MGAM2: variants seen among roughly 807,000 people sequenced by gnomAD.
MGAM2 encodes the protein probable maltase-glucoamylase 2.
Under a neutral mutation model 96.1 loss-of-function variants are expected in MGAM2, and 98 were observed. The observed-to-expected ratio is 1.02, with a 90% confidence interval of 0.87 to 1.21. The LOEUF (loss-of-function observed/expected upper bound fraction) is 1.21, where lower values mean the gene tolerates loss of function less well. MGAM2 is among the 50% of genes most tolerant of loss of function. MGAM2 has a pLI of 0.00. For missense variants in MGAM2, 2,055 were observed against 1,182.4 expected, an observed-to-expected ratio of 1.74 and a Z score of -10.82; for synonymous variants, 749 against 414.8, an observed-to-expected ratio of 1.81 and a Z score of -9.79.
chr7:142,153,247 G>A (rs1165559127), intron 15 of MGAM2, among the ~76,000 whole-genome samples: 7 of 152,066 alleles, frequency 4.6e-5, no homozygotes, highest in Non-Finnish European at 8.8e-5. Context: ...TGATCCACCC[G>A]CCTCAGCCTC....
Position 142,137,548 on chromosome 7 carries a change from A to G in MGAM2, c.960+3A>G, listed in dbSNP as rs1795095756. ...AAGTGGTTCAGGAATACTTGGAGGTATGTCTTTGCATTTAGATAGTCATTA... is the reference window on the plus strand; with the variant it reads ...AAGTGGTTCAGGAATACTTGGAGGTGTGTCTTTGCATTTAGATAGTCATTA... On this transcript the variant is annotated splice_donor_region_variant and intron_variant, in intron 9 of 47. Transcript: ENST00000477922. 2.9e-6 allele frequency: 2 copies of G among 692,936 alleles called. No homozygotes were observed. Among genetic ancestry groups the G allele is most frequent in the Non-Finnish European group, 2.6e-6 (1 of 380,736 alleles). The allele number at this position is 692,936 out of a possible 1,614,324, so 42.9% of individuals were successfully genotyped here.
intron 17 of MGAM2, 117 bp from the exon 18 acceptor site, chr7:142,157,820 C>G: frequency 1.6e-6 from 1 of 628,510 alleles, no homozygotes; most frequent in Non-Finnish European, 2.8e-6. Context: ...TCTAGAAATG[C>G]TTTGATATTC....
chr7:142,114,462 G>C (rs1457757133), intron 1 of MGAM2, among the ~76,000 whole-genome samples: 1 of 152,078 alleles, frequency 6.6e-6, no homozygotes. Context: ...AGGGAATACA[G>C]AAAGTGTGGA....
At chr7:142,165,344 G>T (rs551193036) in intron 24 of MGAM2, among the ~76,000 whole-genome samples, 1 of 152,254 alleles carries the variant, frequency 6.6e-6, no homozygotes, top group East Asian at 1.9e-4. Context: ...TTACACATTG[G>T]TCCTCTCATT....
At chr7:142,205,627 G>T (rs943502496) in intron 45 of MGAM2, among the ~76,000 whole-genome samples, 1 of 151,962 alleles carries the variant, frequency 6.6e-6, no homozygotes, top group African/African-American at 2.4e-5. Flanking sequence ...AGAAATGATT[G>T]CTTATATTCT....
intron 43 of MGAM2, 64 bp downstream of exon 43, chr7:142,198,259 CCTT>C: frequency 1.5e-6 from 1 of 666,134 alleles, no homozygotes; most frequent in South Asian, 1.6e-5. Context: ...GTGGATAGAG[CCTT>C]CTATTTCCAA....
Position 142,199,860 on chromosome 7 carries a change from C to CCT in MGAM2, c.5049-20_5049-19insCT. On this transcript the variant is annotated intron_variant, in intron 44 of 47. Coordinates refer to ENST00000477922, the MANE Select transcript of MGAM2 (RefSeq NM_001293626.2). ...ACCTACAATCTAGAGAAAAATAACT[C>CCT]TTTTTTTTTTTTTTGGTAGTCGACA... The CCT allele has an allele frequency of 1.7e-6, 1 of 589,566 alleles. No homozygotes were observed. Among genetic ancestry groups the CCT allele is most frequent in the South Asian group, 2.0e-5 (1 of 50,604 alleles). 36.5% of individuals were successfully genotyped at this position (589,566 alleles called of 1,614,324 possible). A position where few individuals can be genotyped will look rare whatever the true frequency, so the allele number is the denominator to read the frequency against.
At chr7:142,120,766 T>C (rs1051075348) in intron 3 of MGAM2, among the ~76,000 whole-genome samples, 12 of 152,124 alleles carry the variant, frequency 7.9e-5, no homozygotes, top group African/African-American at 2.7e-4. Context: ...TCCATAGTGA[T>C]AGAAAATAGA....
chr7:142,117,545 T>C (rs1817454879), intron 2 of MGAM2, among the ~76,000 whole-genome samples: 1 of 152,206 alleles, frequency 6.6e-6, no homozygotes, highest in Non-Finnish European at 1.5e-5. Flanking sequence ...AAAATGTATT[T>C]TCAGTTAAAG....
chr7:142,198,373 C>T (rs1371853095), intron 43 of MGAM2, among the ~76,000 whole-genome samples, 178 bp downstream of exon 43: 1 of 152,168 alleles, frequency 6.6e-6, no homozygotes, highest in Non-Finnish European at 1.5e-5. Context: ...TAAGCACCTA[C>T]ATCTCATTGA....
intron 9 of MGAM2, 89 bp from the exon 10 acceptor site, chr7:142,138,453 C>T (rs1050553881): frequency 3.1e-6 from 2 of 638,162 alleles, no homozygotes; most frequent in African/African-American, 3.7e-5. Context: ...TTACTCTTAG[C>T]TCTGACGTTT....
chr7:142,171,652 A>C lies in MGAM2; in HGVS notation c.3351+212A>C, dbSNP rs1282951839. 6.3e-4 allele frequency among the ~76,000 whole-genome samples: 48 copies of C among 75,628 alleles called. 1 individual carries two copies. The highest frequency in any genetic ancestry group is 1.4e-3 in the African/African-American group (27 of 19,810). 49.6% of individuals were successfully genotyped at this position (75,628 alleles called of 152,430 possible). A position where few individuals can be genotyped will look rare whatever the true frequency, so the allele number is the denominator to read the frequency against. On this transcript the variant is annotated intron_variant, in intron 28 of 47. Transcript: ENST00000477922. ...TATATATATATATATATATATATAT[A>C]TATCCACAACTGACAGAGGGAAATA...
chr7:142,123,604 C>T (rs1260799211), intron 3 of MGAM2, among the ~76,000 whole-genome samples: 1 of 151,856 alleles, frequency 6.6e-6, no homozygotes, highest in Non-Finnish European at 1.5e-5. Context: ...GTCTTTTTAA[C>T]TTTTTGCCTT....
At chr7:142,200,710 A>T (rs1797194648) in intron 45 of MGAM2, among the ~76,000 whole-genome samples, 1 of 152,168 alleles carries the variant, frequency 6.6e-6, no homozygotes, top group Non-Finnish European at 1.5e-5. Context: ...ATTTCTAGAG[A>T]TTCCTTCTTT....
chr7:142,204,301 A>ATTCAC (rs1333348860), intron 45 of MGAM2, among the ~76,000 whole-genome samples: 1 of 152,002 alleles, frequency 6.6e-6, no homozygotes, highest in African/African-American at 2.4e-5. Context: ...TATAACCTAT[A>ATTCAC]TTCACTTAAT....
intron 46 of MGAM2, among the ~76,000 whole-genome samples, chr7:142,217,585 T>TGTG (rs1299335366): frequency 6.6e-6 from 1 of 151,964 alleles, no homozygotes; most frequent in Non-Finnish European, 1.5e-5. Context: ...TCATGAAGTG[T>TGTG]GTGGAGAGTA....
chr7:142,149,229 CA>C (rs72418423), intron 15 of MGAM2, among the ~76,000 whole-genome samples: 8 of 147,564 alleles, frequency 5.4e-5, no homozygotes, highest in African/African-American at 1.2e-4. Flanking sequence ...AACTCCGTCT[CA>C]AAAAAAAAAT....
At chr7:142,218,620 A>G in intron 47 of MGAM2, 89 bp downstream of exon 47, 1 of 588,272 alleles carries the variant, frequency 1.7e-6, no homozygotes, top group South Asian at 2.2e-5. Flanking sequence ...AATTAAAATT[A>G]TCATTGTTAA....
At position 142,220,746 on chromosome 7, in the gene MGAM2, C is replaced by T. The variant is rs530874357; in HGVS notation, c.6235C>T (p.Pro2079Ser). Residue 2079 changes from proline (P) to serine (S), a missense_variant, in exon 48 of 48, where the codon CCT becomes TCT. Physicochemically the swap from Pro to Ser is moderately conservative, Grantham distance 74. Transcript: ENST00000477922. Reference sequence around the variant, plus strand: ...TGATGCTAACACTAGTAATACTGTTCCTAATACCACTATGCCTTCTCCTAC... The same window carrying T: ...TGATGCTAACACTAGTAATACTGTTTCTAATACCACTATGCCTTCTCCTAC... ...TADANTSNTV[P>S]NTTMPSPTSS... The T allele has an allele frequency of 3.2e-4, 226 of 702,074 alleles. No homozygotes were observed. Among genetic ancestry groups the T allele is most frequent in the Non-Finnish European group, 5.3e-4 (205 of 384,798 alleles). The allele number at this position is 702,074 out of a possible 1,614,324, so 43.5% of individuals were successfully genotyped here.
Sources: allele counts gnomAD v4.1 joint callset (sites outside exome capture counted in the v4.1 genomes callset), GRCh38; gene constraint gnomAD v4.1.1; transcripts MANE v1.5; gene names NCBI Gene and HGNC (gene_info 2026-07-23, HGNC 2026-07-21).